Variants in UNC5D observed in about 807,000 individuals in gnomAD.
The protein encoded by UNC5D is unc-5 netrin receptor D.
In UNC5D, 39 loss-of-function variants were observed where a neutral mutation model predicts 105.4. The observed-to-expected ratio is 0.37, with a 90% CI of 0.29 to 0.48. The LOEUF is 0.48. Ranked by LOEUF, UNC5D falls within the 20% of genes least tolerant of loss-of-function variation. The pLI, the probability that UNC5D is intolerant of heterozygous loss-of-function variation, is 0.98. For synonymous variants in UNC5D, 452 were observed against 450.4 expected (o/e 1.00, Z -0.04); for missense variants, 991 against 1,202.4 (o/e 0.82, Z 2.60).
chr8:35,431,684 AC>A (rs1247459953), intron 1 of UNC5D, among the ~76,000 whole-genome samples: 1 of 152,136 alleles, frequency 6.6e-6, no homozygotes, highest in Non-Finnish European at 1.5e-5. Context: ...ATATATACCA[AC>A]ATATATTTTA....
chr8:35,236,391 G>C (rs1055094656), intron 1 of UNC5D, among the ~76,000 whole-genome samples: 5 of 49,992 alleles, frequency 1.0e-4, no homozygotes, highest in African/African-American at 3.8e-4. Context: ...TTCGCTCTGC[G>C]CCTAGCTTGG....
intron 1 of UNC5D, among the ~76,000 whole-genome samples, chr8:35,468,440 A>G (rs1427555877): frequency 2.0e-5 from 3 of 152,202 alleles, no homozygotes; most frequent in Non-Finnish European, 2.9e-5. Flanking sequence ...TTAGTTGTCA[A>G]ATGTGGACAT....
Position 35,568,375 on chromosome 8 carries a change from G to A in UNC5D, c.466+134G>A, listed in dbSNP as rs1817500540. ...GGTCTTAAATTTACTCTTCTAAAATGTTATTTTAAAATGTTTGATAATTTC... is the reference window on the plus strand; with the variant it reads ...GGTCTTAAATTTACTCTTCTAAAATATTATTTTAAAATGTTTGATAATTTC... On this transcript the variant is annotated intron_variant, in intron 3 of 16. Transcript: ENST00000404895. 14 of 1,277,482 alleles carry A rather than the reference G, an allele frequency of 1.1e-5. No homozygotes were observed. In the East Asian group the frequency reaches 3.4e-4, roughly 31 times the overall value. The allele number at this position is 1,277,482 out of a possible 1,614,324, so 79.1% of individuals were successfully genotyped here.
chr8:35,720,852 T>G (rs1401936100), intron 8 of UNC5D, among the ~76,000 whole-genome samples: 1 of 150,110 alleles, frequency 6.7e-6, no homozygotes, highest in Non-Finnish European at 1.5e-5. Context: ...TTTTTTTTTT[T>G]GATGGTTGTG....
chr8:35,340,080 AG>A (rs1811352831), intron 1 of UNC5D, among the ~76,000 whole-genome samples: 1 of 152,218 alleles, frequency 6.6e-6, no homozygotes, highest in Admixed American at 6.5e-5. Flanking sequence ...GTCTATGTTC[AG>A]GAATGGGTAA....
intron 14 of UNC5D, among the ~76,000 whole-genome samples, chr8:35,764,150 T>A (rs954999216): frequency 3.3e-5 from 5 of 152,150 alleles, no homozygotes; most frequent in Admixed American, 3.3e-4. Context: ...GGAAGCATAA[T>A]GGAAACCAGA....
At chr8:35,583,356 A>AGT (rs147896842) in intron 3 of UNC5D, among the ~76,000 whole-genome samples, 14 of 151,400 alleles carry the variant, frequency 9.2e-5, no homozygotes, top group South Asian at 2.1e-4. Flanking sequence ...CAATCTCTAA[A>AGT]GTGTGTGTGT....
intron 4 of UNC5D, among the ~76,000 whole-genome samples, chr8:35,658,107 G>A (rs11785804): frequency 6.6e-6 from 1 of 152,048 alleles, no homozygotes; most frequent in African/African-American, 2.4e-5. Flanking sequence ...TATTTTCCTA[G>A]GTTTTGTTCC....
chr8:35,332,020 G>A (rs1810666489), intron 1 of UNC5D, among the ~76,000 whole-genome samples: 1 of 152,132 alleles, frequency 6.6e-6, no homozygotes, highest in Non-Finnish European at 1.5e-5. Context: ...ATATAAGGAT[G>A]CCTTACATTG....
At chr8:35,344,863 C>G (rs989963916) in intron 1 of UNC5D, among the ~76,000 whole-genome samples, 2 of 151,948 alleles carry the variant, frequency 1.3e-5, no homozygotes, top group African/African-American at 2.4e-5. Context: ...AAGAAGCACA[C>G]GTTTATAAAA....
At chr8:35,315,655 G>A (rs963702114) in intron 1 of UNC5D, among the ~76,000 whole-genome samples, 10 of 152,168 alleles carry the variant, frequency 6.6e-5, no homozygotes, top group South Asian at 2.1e-4. Flanking sequence ...TAAGGGGAGC[G>A]AAAGCATGTG....
chr8:35,678,218 C>T (rs988343256), intron 4 of UNC5D, among the ~76,000 whole-genome samples: 1 of 152,136 alleles, frequency 6.6e-6, no homozygotes, highest in Non-Finnish European at 1.5e-5. Context: ...ATCATCTCTT[C>T]TGGAGTTGTG....
chr8:35,576,599 GTTGTTTGT>G lies in UNC5D; in HGVS notation c.466+8381_466+8388del, dbSNP rs59553994. 2.0e-4 allele frequency among the ~76,000 whole-genome samples: 30 copies of G among 151,990 alleles called. No individual in the cohort carries two copies. The East Asian group carries it at 2.1e-3, about 11-fold the overall frequency. ...AGTAGGTGAGATATGGACTAACAGA[GTTGTTTGT>G]TTGTTTGTTTGTTTGTTTGTTTTGA... is the stretch of plus-strand genomic sequence containing the variant. On this transcript the variant is annotated intron_variant, in intron 3 of 16. Coordinates refer to ENST00000404895, the MANE Select transcript of UNC5D (RefSeq NM_080872.4).
chr8:35,711,206 GTCTTGCCCTGT>G (rs1241753588), intron 8 of UNC5D, among the ~76,000 whole-genome samples: 1 of 146,092 alleles, frequency 6.8e-6, no homozygotes, highest in Non-Finnish European at 1.5e-5. Context: ...TTGAGACCAA[GTCTTGCCCTGT>G]CACCTGGGCT....
At chr8:35,320,432 T>A (rs1170672754) in intron 1 of UNC5D, among the ~76,000 whole-genome samples, 1 of 152,066 alleles carries the variant, frequency 6.6e-6, no homozygotes. Context: ...CATAAAAAGA[T>A]GCCACACTCT....
At chr8:35,432,899 G>A (rs968417849) in intron 1 of UNC5D, among the ~76,000 whole-genome samples, 1 of 152,040 alleles carries the variant, frequency 6.6e-6, no homozygotes, top group Non-Finnish European at 1.5e-5. Context: ...TTCTTATAAG[G>A]AGCATTTCAT....
At chr8:35,497,413 C>A (rs1350931997) in intron 1 of UNC5D, among the ~76,000 whole-genome samples, 1 of 152,200 alleles carries the variant, frequency 6.6e-6, no homozygotes, top group East Asian at 1.9e-4. Flanking sequence ...CTGCTGTTTT[C>A]TCAAATGCCA....
At position 35,607,671 on chromosome 8, in the gene UNC5D, A is replaced by G. The variant is rs926326262; in HGVS notation, c.570+12014A>G. ...TTCTCACGATATTTAATAGTTTTATAAGGGGCTTTTTTCCTCTTTGATGGG... is the reference window on the plus strand; with the variant it reads ...TTCTCACGATATTTAATAGTTTTATGAGGGGCTTTTTTCCTCTTTGATGGG... On this transcript the variant is annotated intron_variant, in intron 4 of 16. Transcript: ENST00000404895. 2.4e-4 allele frequency among the ~76,000 whole-genome samples: 37 copies of G among 152,068 alleles called. 1 individual carries two copies. The highest frequency in any genetic ancestry group is 1.5e-5 in the Non-Finnish European group (1 of 68,000).
rs866995428 is a variant in UNC5D, at chr8:35,247,644, T to A, written c.103+11757T>A. ...ATAAAATATATATAATATATAAATA[T>A]ATATTATATATAAAATATATATAAT... On this transcript the variant is annotated intron_variant, in intron 1 of 16. Coordinates refer to ENST00000404895, the MANE Select transcript of UNC5D (RefSeq NM_080872.4). Among the ~76,000 whole-genome samples the A allele has an allele frequency of 7.2e-4, 41 of 57,156 alleles. 1 individual carries two copies. Among genetic ancestry groups the A allele is most frequent in the African/African-American group, 3.0e-3 (39 of 12,882 alleles). The allele number at this position is 57,156 out of a possible 152,430, so 37.5% of individuals were successfully genotyped here.
Sources: allele counts gnomAD v4.1 joint callset (sites outside exome capture counted in the v4.1 genomes callset), GRCh38; gene constraint gnomAD v4.1.1; transcripts MANE v1.5; gene names NCBI Gene and HGNC (gene_info 2026-07-23, HGNC 2026-07-21).